Variants in PSD3 observed in about 807,000 individuals in gnomAD.
The protein encoded by PSD3 is pleckstrin and Sec7 domain containing 3, also known as PH and SEC7 domain-containing protein 3.
Under a neutral mutation model 105.5 loss-of-function variants are expected in PSD3, and 49 were observed. The ratio of observed to expected loss-of-function variants is 0.46; its 90% CI spans 0.37 to 0.59. The LOEUF (loss-of-function observed/expected upper bound fraction) is 0.59, where lower values mean the gene tolerates loss of function less well. Among genes scored for constraint, PSD3 ranks in the 20% least tolerant of loss-of-function variants. The pLI, the probability that PSD3 is intolerant of heterozygous loss-of-function variation, is 0.00. For synonymous variants in PSD3, 557 were observed against 457.8 expected (o/e 1.22, Z -2.77); for missense variants, 1,561 against 1,263.8 (o/e 1.24, Z -3.57).
Position 18,641,142 on chromosome 8 carries a change from G to C in PSD3, c.2217-8336C>G, listed in dbSNP as rs117628793. Among the ~76,000 whole-genome samples, 8 of 152,270 alleles carry C rather than the reference G, an allele frequency of 5.3e-5. No homozygotes were observed. In the South Asian group the frequency reaches 1.5e-3, roughly 28 times the overall value. Reference sequence around the variant, plus strand: ...TAGCCAGAACATTACAGAAGGGTAGGGGTTATAAATCAGGTCCCAAAGTCC... The same window carrying C: ...TAGCCAGAACATTACAGAAGGGTAGCGGTTATAAATCAGGTCCCAAAGTCC... On this transcript the variant is annotated intron_variant, in intron 10 of 15. Coordinates refer to ENST00000327040, the MANE Select transcript of PSD3 (RefSeq NM_015310.4).
At chr8:18,659,652 A>T (rs760506593) in intron 9 of PSD3, among the ~76,000 whole-genome samples, 1 of 152,248 alleles carries the variant, frequency 6.6e-6, no homozygotes, top group Non-Finnish European at 1.5e-5. Context: ...AATATATTCA[A>T]ATAATCTGGT....
At chr8:18,844,132 C>T (rs1814883486) in intron 4 of PSD3, among the ~76,000 whole-genome samples, 1 of 151,996 alleles carries the variant, frequency 6.6e-6, no homozygotes, top group Non-Finnish European at 1.5e-5. Flanking sequence ...CATCAATACC[C>T]TTTAACTCAT....
intron 12 of PSD3, among the ~76,000 whole-genome samples, chr8:18,576,803 T>C (rs1195046419): frequency 2.0e-5 from 3 of 151,982 alleles, no homozygotes; most frequent in Non-Finnish European, 2.9e-5. Context: ...GGAATTTATA[T>C]GCCACCTCCA....
chr8:18,690,715 C>A (rs1800927784), intron 9 of PSD3, among the ~76,000 whole-genome samples: 1 of 152,198 alleles, frequency 6.6e-6, no homozygotes, highest in African/African-American at 2.4e-5. Flanking sequence ...CCCTTTCTCC[C>A]AGAATAAACA....
intron 10 of PSD3, among the ~76,000 whole-genome samples, chr8:18,648,161 T>A (rs1469428981): frequency 1.3e-5 from 2 of 152,146 alleles, no homozygotes; most frequent in African/African-American, 4.8e-5. Flanking sequence ...GCAGCAACTT[T>A]GGGAACTGGG....
intron 9 of PSD3, chr8:18,684,059 G>A (rs941897862): frequency 9.7e-6 from 6 of 620,068 alleles, no homozygotes; most frequent in African/African-American, 1.8e-5. Flanking sequence ...CGTGATCCGC[G>A]TTAGCTTAAG....
At chr8:18,982,771 T>A (rs1302162666) in intron 1 of PSD3, among the ~76,000 whole-genome samples, 1 of 152,210 alleles carries the variant, frequency 6.6e-6, no homozygotes, top group East Asian at 1.9e-4. Context: ...CTAATAGACG[T>A]CCTGTCATAC....
intron 8 of PSD3, among the ~76,000 whole-genome samples, chr8:18,789,882 G>A (rs185210662): frequency 1.6e-4 from 24 of 152,200 alleles, no homozygotes; most frequent in African/African-American, 4.1e-4. Context: ...CCTTGATCAC[G>A]TTCTATAACA....
intron 9 of PSD3, among the ~76,000 whole-genome samples, chr8:18,755,825 C>T (rs1805992862): frequency 6.6e-6 from 1 of 151,698 alleles, no homozygotes; most frequent in African/African-American, 2.4e-5. Context: ...ATATTACCCT[C>T]ATTATCGTCA....
chr8:18,606,379 A>C (rs189660216), intron 11 of PSD3, among the ~76,000 whole-genome samples: 5 of 152,240 alleles, frequency 3.3e-5, no homozygotes, highest in Admixed American at 3.3e-4. Flanking sequence ...ACCTCCCCAC[A>C]TTTGTACTCA....
chr8:18,765,741 C>G (rs73199978), intron 8 of PSD3, among the ~76,000 whole-genome samples: 13,711 of 151,840 alleles, frequency 0.09, 900 homozygotes, highest in East Asian at 0.23. Context: ...CCTGGCTAAC[C>G]GGGCTATGTT....
chr8:18,958,509 T>C, intron 1 of PSD3, among the ~76,000 whole-genome samples: 1 of 152,198 alleles, frequency 6.6e-6, no homozygotes, highest in East Asian at 1.9e-4. Context: ...CAGAAAACAT[T>C]TACAATGAAA....
intron 9 of PSD3, chr8:18,732,877 G>A (rs1360152924): frequency 6.6e-6 from 1 of 151,310 alleles, no homozygotes; most frequent in Non-Finnish European, 1.5e-5. Flanking sequence ...TGTGAACCAC[G>A]ATAATATAAA....
intron 9 of PSD3, among the ~76,000 whole-genome samples, chr8:18,741,947 A>G (rs1033433559): frequency 2.0e-5 from 3 of 152,218 alleles, no homozygotes; most frequent in Admixed American, 6.5e-5. Context: ...ATAGCTGGTC[A>G]ACCAGTAATG....
chr8:19,025,549 G>A (rs1219313632), intron 1 of PSD3, among the ~76,000 whole-genome samples: 1 of 152,114 alleles, frequency 6.6e-6, no homozygotes, highest in Non-Finnish European at 1.5e-5. Context: ...CAAGAGCCTG[G>A]GCACTGGCCA....
At chr8:18,556,431 C>G in intron 14 of PSD3, 79 bp from the exon 15 acceptor site, 1 of 1,448,192 alleles carries the variant, frequency 6.9e-7, no homozygotes, top group Non-Finnish European at 9.4e-7. Context: ...TTAAAAAATC[C>G]CCTGTGCTGA....
At chr8:18,789,420 T>A (rs1809491733) in intron 8 of PSD3, among the ~76,000 whole-genome samples, 1 of 152,176 alleles carries the variant, frequency 6.6e-6, no homozygotes, top group Non-Finnish European at 1.5e-5. Flanking sequence ...CTTAGGAAAG[T>A]ATGACTATTA....
intron 15 of PSD3, among the ~76,000 whole-genome samples, chr8:18,545,935 C>T (rs994529416): frequency 1.3e-5 from 2 of 152,146 alleles, no homozygotes; most frequent in Non-Finnish European, 2.9e-5. Context: ...AACTACCTTC[C>T]CCAGTGATCT....
At chr8:18,938,727 G>T (rs1035753592) in intron 1 of PSD3, among the ~76,000 whole-genome samples, 2 of 152,060 alleles carry the variant, frequency 1.3e-5, no homozygotes, top group African/African-American at 4.8e-5. Context: ...TGTAATACAT[G>T]GAATATCTCA....
Sources: gnomAD v4.1 joint callset for allele counts (sites outside exome capture counted in the v4.1 genomes callset) on GRCh38, gnomAD v4.1.1 for gene constraint, MANE v1.5 for transcripts, NCBI Gene and HGNC (gene_info 2026-07-23, HGNC 2026-07-21) for gene names.